The following UHRF2 variants were observed in gnomAD, a reference collection of about 807,000 sequenced individuals.
The protein encoded by UHRF2 is E3 ubiquitin-protein ligase UHRF2.
In UHRF2, 23 loss-of-function variants were observed where a neutral mutation model predicts 96.8. That is an observed-to-expected ratio of 0.24 (90% CI 0.17 to 0.34). UHRF2 has a LOEUF of 0.34. Ranked by LOEUF, UHRF2 falls within the 10% of genes least tolerant of loss-of-function variation. The probability of loss-of-function intolerance (pLI) is 1.00; values close to 1 mark genes in which losing one functional copy is unlikely to be tolerated. For missense variants in UHRF2, 685 were observed against 981.5 expected (o/e 0.70, Z 4.04); for synonymous variants, 385 against 332.6 (o/e 1.16, Z -1.72).
At chr9:6,489,263 A>T (rs996255015) in intron 9 of UHRF2, among the ~76,000 whole-genome samples, 2 of 152,246 alleles carry the variant, frequency 1.3e-5, no homozygotes, top group Non-Finnish European at 2.9e-5. Flanking sequence ...TTTATTGATG[A>T]GTACTAGTCC....
intron 2 of UHRF2, among the ~76,000 whole-genome samples, chr9:6,426,842 G>A (rs1280301289): frequency 6.6e-6 from 1 of 152,142 alleles, no homozygotes; most frequent in South Asian, 2.1e-4. Context: ...TCTGCCTCCT[G>A]GGTTCAAGCG....
intron 9 of UHRF2, among the ~76,000 whole-genome samples, chr9:6,487,747 G>A (rs558617387): frequency 8.5e-5 from 13 of 152,254 alleles, no homozygotes; most frequent in Admixed American, 4.6e-4. Flanking sequence ...GATGATCTGC[G>A]CACCTTGGCT....
At chr9:6,427,960 G>A (rs983145208) in intron 2 of UHRF2, among the ~76,000 whole-genome samples, 5 of 152,272 alleles carry the variant, frequency 3.3e-5, no homozygotes, top group East Asian at 3.9e-4. Context: ...ACCTAAGTTC[G>A]TTTTAATTTT....
intron 9 of UHRF2, among the ~76,000 whole-genome samples, chr9:6,488,786 G>A (rs1418707034): frequency 6.6e-6 from 1 of 151,052 alleles, no homozygotes; most frequent in African/African-American, 2.4e-5. Context: ...ACAGGCATGA[G>A]CTACCGTGCT....
intron 4 of UHRF2, among the ~76,000 whole-genome samples, chr9:6,471,496 GTTTTAAAAAGATACCAGCTTCCA>G (rs1563784726): frequency 6.6e-6 from 1 of 152,124 alleles, no homozygotes; most frequent in African/African-American, 2.4e-5. Flanking sequence ...TCAAGATGAG[GTTTTAAAAAGATACCAGCTTCCA>G]TTTTGGGTGC....
At chr9:6,490,360 G>C (rs571874411) in intron 9 of UHRF2, among the ~76,000 whole-genome samples, 2 of 152,354 alleles carry the variant, frequency 1.3e-5, no homozygotes, top group East Asian at 3.9e-4. Context: ...AGTCACAGTG[G>C]CTCATGCCTG....
chr9:6,494,560 T>A (rs891711138), intron 10 of UHRF2: 1 of 152,176 alleles, frequency 6.6e-6, no homozygotes, highest in Non-Finnish European at 1.5e-5. Context: ...TACAGAAAAT[T>A]TATTAATTTC....
At chr9:6,468,551 A>G (rs771806586) in intron 4 of UHRF2, 1 of 456,098 alleles carries the variant, frequency 2.2e-6, no homozygotes, top group Non-Finnish European at 4.4e-6. Context: ...TTCTGGATGC[A>G]GTGTAAAATC....
At chr9:6,457,209 G>A (rs1822236879) in intron 3 of UHRF2, among the ~76,000 whole-genome samples, 1 of 151,808 alleles carries the variant, frequency 6.6e-6, no homozygotes. Context: ...GTTCTTTTTG[G>A]TGAGGTCCTT....
chr9:6,415,725 T>C (rs1587749934), intron 1 of UHRF2, among the ~76,000 whole-genome samples: 1 of 152,236 alleles, frequency 6.6e-6, no homozygotes, highest in East Asian at 1.9e-4. Flanking sequence ...CAGCTTTTAA[T>C]CTTTGGTATG....
intron 3 of UHRF2, among the ~76,000 whole-genome samples, chr9:6,451,510 G>A (rs772426197): frequency 4.0e-5 from 6 of 149,238 alleles, no homozygotes; most frequent in Non-Finnish European, 7.4e-5. Flanking sequence ...ACGGAGTCTC[G>A]CTGTCGCCCA....
intron 9 of UHRF2, 116 bp from the exon 10 acceptor site, chr9:6,493,710 C>G: frequency 1.1e-6 from 1 of 879,312 alleles, no homozygotes; most frequent in Non-Finnish European, 1.7e-6. Flanking sequence ...TGGGAGATGC[C>G]TCAAGAGAAA....
intron 14 of UHRF2, among the ~76,000 whole-genome samples, chr9:6,503,211 G>C (rs971880858): frequency 6.6e-6 from 1 of 152,062 alleles, no homozygotes; most frequent in Non-Finnish European, 1.5e-5. Context: ...GGCCAGGTTG[G>C]TCTAGCACTC....
intron 3 of UHRF2, among the ~76,000 whole-genome samples, chr9:6,441,826 T>C (rs1249772225): frequency 6.6e-6 from 1 of 152,104 alleles, no homozygotes; most frequent in Non-Finnish European, 1.5e-5. Context: ...AAATGATCTG[T>C]AGTTGACTTT....
At chr9:6,439,057 A>G (rs1217288668) in intron 3 of UHRF2, among the ~76,000 whole-genome samples, 8 of 152,224 alleles carry the variant, frequency 5.3e-5, no homozygotes, top group Admixed American at 5.2e-4. Context: ...CAAAAATTAC[A>G]GATACAAACA....
At chr9:6,451,346 TTTATAA>T (rs1306648565) in intron 3 of UHRF2, among the ~76,000 whole-genome samples, 1 of 152,248 alleles carries the variant, frequency 6.6e-6, no homozygotes, top group Non-Finnish European at 1.5e-5. Flanking sequence ...GTTAATTGTG[TTTATAA>T]TTATGTGACA....
intron 2 of UHRF2, among the ~76,000 whole-genome samples, chr9:6,423,576 G>A (rs999601194): frequency 6.6e-6 from 1 of 150,434 alleles, no homozygotes; most frequent in East Asian, 1.9e-4. Context: ...ATAAGCCAAA[G>A]AAAACATATT....
intron 3 of UHRF2, among the ~76,000 whole-genome samples, chr9:6,453,308 G>T (rs993944672): frequency 1.3e-5 from 2 of 152,116 alleles, no homozygotes; most frequent in South Asian, 4.1e-4. Context: ...ACAGAGTTAG[G>T]TTAATGGAGG....
intron 1 of UHRF2, among the ~76,000 whole-genome samples, chr9:6,418,913 C>G (rs1819764728): frequency 1.3e-5 from 2 of 152,152 alleles, no homozygotes; most frequent in African/African-American, 4.8e-5. Flanking sequence ...GGGGAGAACC[C>G]TTTACACTTT....
Sources: allele counts gnomAD v4.1 joint callset (sites outside exome capture counted in the v4.1 genomes callset), GRCh38; gene constraint gnomAD v4.1.1; transcripts MANE v1.5; gene names NCBI Gene and HGNC (gene_info 2026-07-23, HGNC 2026-07-21).